The following CFAP299 variants were observed in gnomAD, a reference collection of about 807,000 sequenced individuals.
The protein encoded by CFAP299 is cilia and flagella associated protein 299, also known as cilia- and flagella-associated protein 299.
A neutral mutation model predicts 27.0 loss-of-function variants in CFAP299; 21 were observed. That is an observed-to-expected ratio of 0.78 (90% CI 0.55 to 1.12). The LOEUF is 1.12. Among genes scored for constraint, CFAP299 ranks in the 50% most tolerant of loss-of-function variants. The pLI is 0.00. For missense variants in CFAP299, 310 were observed against 276.6 expected (o/e 1.12, Z -0.86); for synonymous variants, 104 against 98.1 (o/e 1.06, Z -0.36).
rs566523789 is a variant in CFAP299, at chr4:80,633,951, G to C, written c.333+50768G>C. Among the ~76,000 whole-genome samples, 9 of 147,400 alleles carry C rather than the reference G, an allele frequency of 6.1e-5. No individual in the cohort carries two copies. The East Asian group carries it at 1.8e-3, about 30-fold the overall frequency. On this transcript the variant is annotated intron_variant, in intron 3 of 5. Transcript: ENST00000358105. Reference sequence around the variant, plus strand: ...CATGGAGTTATTGCAATAAAAAACTGAAAGTAAACTCTCGCTTCCTGAGGA... The same window carrying C: ...CATGGAGTTATTGCAATAAAAAACTCAAAGTAAACTCTCGCTTCCTGAGGA...
chr4:80,873,485 A>G (rs1733216064), intron 4 of CFAP299, among the ~76,000 whole-genome samples: 1 of 152,176 alleles, frequency 6.6e-6, no homozygotes, highest in South Asian at 2.1e-4. Context: ...CACACTTGTG[A>G]GTAATTATAA....
intron 2 of CFAP299, among the ~76,000 whole-genome samples, chr4:80,580,389 A>G (rs992322199): frequency 6.6e-6 from 1 of 152,062 alleles, no homozygotes; most frequent in African/African-American, 2.4e-5. Flanking sequence ...TGTGTTGCCA[A>G]TAAAAAGGAA....
intron 4 of CFAP299, among the ~76,000 whole-genome samples, chr4:80,935,419 C>A (rs1328941108): frequency 6.6e-6 from 1 of 151,974 alleles, no homozygotes; most frequent in African/African-American, 2.4e-5. Context: ...CACACTGTGA[C>A]TATCTTATCT....
At chr4:80,887,741 A>G (rs764500861) in intron 4 of CFAP299, among the ~76,000 whole-genome samples, 7 of 152,164 alleles carry the variant, frequency 4.6e-5, no homozygotes, top group African/African-American at 1.4e-4. Context: ...CTAAATTATG[A>G]ACTAATTAAC....
chr4:80,361,399 A>C (rs960250063), intron 1 of CFAP299, among the ~76,000 whole-genome samples: 15 of 152,226 alleles, frequency 9.9e-5, no homozygotes, highest in African/African-American at 3.6e-4. Flanking sequence ...CTTTCTACAA[A>C]TTCACTTTCA....
At chr4:80,800,717 T>C (rs1351421199) in intron 3 of CFAP299, among the ~76,000 whole-genome samples, 1 of 108,022 alleles carries the variant, frequency 9.3e-6, no homozygotes, top group Non-Finnish European at 1.7e-5. Flanking sequence ...TTTTTATGTA[T>C]GAGTCCATAT....
intron 3 of CFAP299, among the ~76,000 whole-genome samples, chr4:80,602,779 G>A (rs546517953): frequency 2.6e-4 from 39 of 152,116 alleles, no homozygotes; most frequent in African/African-American, 7.2e-4. Context: ...GTCTGCTCCC[G>A]TTGCAGATCG....
At chr4:80,337,922 G>A (rs1303856892) in intron 1 of CFAP299, among the ~76,000 whole-genome samples, 4 of 151,890 alleles carry the variant, frequency 2.6e-5, no homozygotes, top group Non-Finnish European at 5.9e-5. Flanking sequence ...AACTTTTAAA[G>A]TGCTATTATT....
chr4:80,550,117 T>C (rs1734426434), intron 2 of CFAP299, among the ~76,000 whole-genome samples: 1 of 152,000 alleles, frequency 6.6e-6, no homozygotes, highest in African/African-American at 2.4e-5. Context: ...TTGTATATGA[T>C]TATAGGGATT....
At chr4:80,837,087 C>A (rs1489780185) in intron 3 of CFAP299, among the ~76,000 whole-genome samples, 1 of 151,734 alleles carries the variant, frequency 6.6e-6, no homozygotes, top group Non-Finnish European at 1.5e-5. Context: ...GAGATGATGT[C>A]TTTTGAAGCA....
At chr4:80,759,405 G>A (rs904447586) in intron 3 of CFAP299, among the ~76,000 whole-genome samples, 3 of 152,148 alleles carry the variant, frequency 2.0e-5, no homozygotes, top group African/African-American at 7.2e-5. Flanking sequence ...AAATGCCCTG[G>A]TTGTAGTTTG....
At chr4:80,643,326 G>A (rs771563237) in intron 3 of CFAP299, among the ~76,000 whole-genome samples, 2 of 152,096 alleles carry the variant, frequency 1.3e-5, no homozygotes, top group Non-Finnish European at 2.9e-5. Flanking sequence ...TCTGATTGGA[G>A]TGGGATCAAG....
chr4:80,806,599 T>C (rs1432271187), intron 3 of CFAP299, among the ~76,000 whole-genome samples: 2 of 152,180 alleles, frequency 1.3e-5, no homozygotes, highest in African/African-American at 4.8e-5. Context: ...TGCAGTGTCA[T>C]TGCAATTTCA....
chr4:80,848,063 T>C (rs1022413784), intron 3 of CFAP299, among the ~76,000 whole-genome samples: 2 of 151,478 alleles, frequency 1.3e-5, no homozygotes, highest in Admixed American at 6.6e-5. Flanking sequence ...ATACAAAAAT[T>C]AGCTGAGTGT....
At position 80,443,531 on chromosome 4, in the gene CFAP299, CTAAATAA is replaced by C. The variant is rs758260091; in HGVS notation, c.242+80651_242+80657del. On this transcript the variant is annotated intron_variant, in intron 2 of 5. Transcript: ENST00000358105. ...AGCTAGGTGTTGATGGAACATATCTCTAAATAATAAGAGCTATTTATGACAAACCCAC... is the reference window on the plus strand; with the variant it reads ...AGCTAGGTGTTGATGGAACATATCTCTAAGAGCTATTTATGACAAACCCAC... Among the ~76,000 whole-genome samples the C allele has an allele frequency of 6.5e-4, 99 of 152,282 alleles. No individual in the cohort carries two copies. The Middle Eastern group carries it at 0.01, about 16-fold the overall frequency.
At chr4:80,942,482 T>C (rs1737250235) in intron 4 of CFAP299, among the ~76,000 whole-genome samples, 1 of 152,140 alleles carries the variant, frequency 6.6e-6, no homozygotes, top group South Asian at 2.1e-4. Flanking sequence ...TAATTATTAT[T>C]TATTTTTATT....
At chr4:80,477,365 C>G (rs1019350488) in intron 2 of CFAP299, among the ~76,000 whole-genome samples, 7 of 152,098 alleles carry the variant, frequency 4.6e-5, no homozygotes, top group Non-Finnish European at 1.0e-4. Flanking sequence ...CCAACCCCAC[C>G]TCTGCTTCTT....
chr4:80,957,319 C>T lies in CFAP299; in HGVS notation c.607-6198C>T, dbSNP rs79995914. Among the ~76,000 whole-genome samples, 1,343 of 152,254 alleles carry T rather than the reference C, an allele frequency of 8.8e-3. 17 individuals are homozygous for T. Among genetic ancestry groups the T allele is most frequent in the African/African-American group, 0.03 (1,251 of 41,546 alleles). On this transcript the variant is annotated intron_variant, in intron 5 of 5. Coordinates refer to ENST00000358105, the MANE Select transcript of CFAP299 (RefSeq NM_152770.3). The stretch of plus-strand genomic sequence containing the variant: ...ATTTGAAGGAAGAGCTTTCTAAGTG[C>T]TGAATTTTCTCAGCCAGTTACATCG...
At chr4:80,656,616 G>T (rs774090354) in intron 3 of CFAP299, among the ~76,000 whole-genome samples, 2 of 151,904 alleles carry the variant, frequency 1.3e-5, no homozygotes, top group South Asian at 4.2e-4. Context: ...TTCTTTATCC[G>T]GTCTATCACT....
Sources: gnomAD v4.1 joint callset for allele counts (sites outside exome capture counted in the v4.1 genomes callset) on GRCh38, gnomAD v4.1.1 for gene constraint, MANE v1.5 for transcripts, NCBI Gene and HGNC (gene_info 2026-07-23, HGNC 2026-07-21) for gene names.